The following NEDD4L variants were observed in gnomAD, a reference collection of about 807,000 sequenced individuals.
NEDD4L encodes NEDD4 like E3 ubiquitin protein ligase.
A neutral mutation model predicts 148.9 loss-of-function variants in NEDD4L; 54 were observed. The observed-to-expected ratio is 0.36, with a 90% CI of 0.29 to 0.45. The LOEUF is 0.45. Among genes scored for constraint, NEDD4L ranks in the 20% least tolerant of loss-of-function variants. The pLI is 1.00. For synonymous variants in NEDD4L, 433 were observed against 440.7 expected (o/e 0.98, Z 0.22); for missense variants, 856 against 1,233.8 (o/e 0.69, Z 4.59).
At chr18:58,356,386 G>A (rs2044660828) in intron 18 of NEDD4L, among the ~76,000 whole-genome samples, 1 of 149,650 alleles carries the variant, frequency 6.7e-6, no homozygotes, top group African/African-American at 2.5e-5. Flanking sequence ...TTTCATGTGA[G>A]TCCATTGCAC....
In NEDD4L at chr18:58,341,765, T is replaced by C; in HGVS notation, c.1345T>C (p.Ser449Pro). 6.2e-7 allele frequency: 1 copy of C among 1,613,762 alleles called. No individual in the cohort carries two copies. The highest frequency in any genetic ancestry group is 8.5e-7 in the Non-Finnish European group (1 of 1,179,850). The change falls in exon 15 of 31, where the codon TCG becomes CCG. Residue 449 changes from serine (S) to proline (P), a missense_variant. Coordinates refer to ENST00000400345, the MANE Select transcript of NEDD4L (RefSeq NM_001144967.3). ...GATCCGCCGGCCTCGTAGCCTCAGC[T>C]CGCCAACAGTAACTTTATCTGCCCC... is the stretch of plus-strand genomic sequence containing the variant. ...PQIRRPRSLS[S>P]PTVTLSAPLE... is the part of the protein sequence containing the mutation.
intron 2 of NEDD4L, among the ~76,000 whole-genome samples, chr18:58,172,030 G>A (rs1046523464): frequency 4.6e-5 from 7 of 152,112 alleles, no homozygotes; most frequent in African/African-American, 1.7e-4. Context: ...CTTCTACTTG[G>A]GGGTACATGA....
chr18:58,080,793 G>A (rs9950627), intron 1 of NEDD4L, among the ~76,000 whole-genome samples: 6,563 of 152,244 alleles, frequency 0.043, 463 homozygotes, highest in African/African-American at 0.15. Context: ...GAGCCTGGGA[G>A]CTGCCCCAGG....
chr18:58,176,038 G>A (rs1417536361), intron 2 of NEDD4L, among the ~76,000 whole-genome samples: 2 of 152,166 alleles, frequency 1.3e-5, no homozygotes, highest in Non-Finnish European at 2.9e-5. Flanking sequence ...CTAATGATCC[G>A]GAATCACTGA....
At chr18:58,388,772 C>T (rs1207366189) in intron 27 of NEDD4L, 2 of 336,350 alleles carry the variant, frequency 5.9e-6, no homozygotes, top group African/African-American at 2.1e-5. Context: ...GCTGCTGGAG[C>T]GTGAGAGAAT....
Position 58,256,714 on chromosome 18 carries a change from T to A in NEDD4L, c.297+4660T>A. 1 of 1,231,968 alleles carries A rather than the reference T, an allele frequency of 8.1e-7. No homozygotes were observed. The highest frequency in any genetic ancestry group is 1.0e-6 in the Non-Finnish European group (1 of 987,998). 76.3% of individuals were successfully genotyped at this position (1,231,968 alleles called of 1,614,324 possible). A position where few individuals can be genotyped will look rare whatever the true frequency, so the allele number is the denominator to read the frequency against. On this transcript the variant is annotated intron_variant, in intron 5 of 30. Transcript: ENST00000400345. This position sits in a 1 kb window ranked among gnomAD's most constrained non-coding sequence, Gnocchi z 5.2. Reference sequence around the variant, plus strand: ...TTGTAACCCGGGGGCCGGAAGAAGCTCCCCAGAATCCCGAGGAGAAAAGCG... The same window carrying A: ...TTGTAACCCGGGGGCCGGAAGAAGCACCCCAGAATCCCGAGGAGAAAAGCG...
intron 5 of NEDD4L, among the ~76,000 whole-genome samples, chr18:58,301,000 T>G (rs1277782555): frequency 6.6e-6 from 1 of 152,200 alleles, no homozygotes; most frequent in Admixed American, 6.5e-5. Flanking sequence ...ATAAAGAATC[T>G]TTGAATCGCC....
At chr18:58,324,857 T>C (rs2059171092) in intron 8 of NEDD4L, 139 bp from the exon 9 acceptor site, 1 of 740,238 alleles carries the variant, frequency 1.4e-6, no homozygotes, top group African/African-American at 1.7e-5. Context: ...GGGAATTTAC[T>C]CAAATGTGGC....
rs1060503574 is a variant in NEDD4L, at chr18:58,367,781, G to C, written c.2099G>C (p.Gly700Ala). The change falls in exon 22 of 31, where the codon GGC becomes GCC. Residue 700 changes from glycine (G) to alanine (A), a missense_variant. Around this residue, in one of 4 missense-constraint regions of NEDD4L, gnomAD observed 286 missense variants for 531.8 expected, o/e 0.54. Coordinates refer to ENST00000400345, the MANE Select transcript of NEDD4L (RefSeq NM_001144967.3). The part of the protein sequence containing the change: ...NYTLQINPNS[G>A]LCNEDHLSYF... ...ACCCTTCAGATCAACCCTAATTCAG[G>C]CCTCTGTAATGAGGATCATTTGTCC... is the stretch of plus-strand genomic sequence containing the variant. The C allele has an allele frequency of 6.2e-7, 1 of 1,613,856 alleles. No homozygotes were observed. The highest frequency in any genetic ancestry group is 1.7e-5 in the Admixed American group (1 of 60,018).
chr18:58,153,933 C>T (rs1030648123), intron 1 of NEDD4L, among the ~76,000 whole-genome samples: 3 of 152,190 alleles, frequency 2.0e-5, no homozygotes, highest in Non-Finnish European at 4.4e-5. Context: ...AGGCGTGAGT[C>T]ACCGCACCCG....
At chr18:58,356,907 A>G (rs2044745028) in intron 18 of NEDD4L, among the ~76,000 whole-genome samples, 1 of 152,226 alleles carries the variant, frequency 6.6e-6, no homozygotes, top group Non-Finnish European at 1.5e-5. Context: ...AGGGGTTTAT[A>G]ATTCCCATTT....
At chr18:58,133,551 G>A (rs2032443658) in intron 1 of NEDD4L, among the ~76,000 whole-genome samples, 2 of 152,162 alleles carry the variant, frequency 1.3e-5, no homozygotes, top group African/African-American at 2.4e-5. Context: ...TGGGAGGCGA[G>A]AAATATGTGT....
At chr18:58,287,247 C>A (rs1388763786) in intron 5 of NEDD4L, among the ~76,000 whole-genome samples, 1 of 152,186 alleles carries the variant, frequency 6.6e-6, no homozygotes, top group African/African-American at 2.4e-5. Context: ...CAGGCTCATT[C>A]ATTTCTGTTT....
rs541525278 is a variant in NEDD4L at position 58,142,108 on chromosome 18, G to A, written c.49-23680G>A. Among the ~76,000 whole-genome samples the A allele has an allele frequency of 3.5e-5, 5 of 142,304 alleles. No individual in the cohort carries two copies. In the South Asian group the frequency reaches 6.8e-4, roughly 19 times the overall value. The allele number at this position is 142,304 out of a possible 152,430, so 93.4% of individuals were successfully genotyped here. On this transcript the variant is annotated intron_variant, in intron 1 of 30. Transcript: ENST00000400345. ...GTCACCCAGGCTGGAGTGCAGTGGC[G>A]TGATCTGGGGTCACTGCAAGCTCCA...
At chr18:58,236,332 G>A (rs2046012527) in intron 2 of NEDD4L, among the ~76,000 whole-genome samples, 1 of 152,070 alleles carries the variant, frequency 6.6e-6, no homozygotes, top group African/African-American at 2.4e-5. Flanking sequence ...ACTCCAGCCT[G>A]GGTGACAGAG....
intron 18 of NEDD4L, 144 bp downstream of exon 18, chr18:58,351,189 G>A: frequency 6.7e-7 from 1 of 1,497,776 alleles, no homozygotes; most frequent in Non-Finnish European, 8.9e-7. Context: ...GAGAATCAGT[G>A]CCTTCATACG....
At chr18:58,139,268 A>G (rs2033214296) in intron 1 of NEDD4L, among the ~76,000 whole-genome samples, 1 of 152,072 alleles carries the variant, frequency 6.6e-6, no homozygotes, top group Non-Finnish European at 1.5e-5. Context: ...ATTCCTTATT[A>G]TCTGTCTCTT....
intron 5 of NEDD4L, among the ~76,000 whole-genome samples, chr18:58,308,223 A>G (rs867423848): frequency 1.3e-5 from 2 of 152,228 alleles, no homozygotes; most frequent in African/African-American, 2.4e-5. Context: ...TATTTTTAGC[A>G]TGTTATATTC....
chr18:58,095,046 A>T (rs2084303189), intron 1 of NEDD4L, among the ~76,000 whole-genome samples: 1 of 152,144 alleles, frequency 6.6e-6, no homozygotes, highest in Non-Finnish European at 1.5e-5. Flanking sequence ...TTGGATGCCT[A>T]TTGATTGTGT....
Sources: allele counts gnomAD v4.1 joint callset (sites outside exome capture counted in the v4.1 genomes callset), GRCh38; gene constraint gnomAD v4.1.1; regional missense constraint gnomAD v4.1.1; non-coding constraint Gnocchi (gnomAD v3.1); transcripts MANE v1.5; gene names NCBI Gene and HGNC (gene_info 2026-07-23, HGNC 2026-07-21).